The following ABCC11 variants were observed in gnomAD, a reference collection of about 807,000 sequenced individuals.
ABCC11 encodes ATP binding cassette subfamily C member 11, also known as ATP-binding cassette sub-family C member 11.
ABCC11 carries 135 observed loss-of-function variants against 149.3 expected under a neutral mutation model. That is an observed-to-expected ratio of 0.90 (90% CI 0.79 to 1.04). The LOEUF is 1.04. Ranked by LOEUF, ABCC11 falls within the 50% of genes least tolerant of loss-of-function variation. ABCC11 has a pLI of 0.00. For synonymous variants in ABCC11, 665 were observed against 671.4 expected, an observed-to-expected ratio of 0.99 and a Z score of 0.15; for missense variants, 1,680 against 1,722.1, an observed-to-expected ratio of 0.98 and a Z score of 0.43.
chr16:48,183,842 A>G (rs1433586660), intron 23 of ABCC11, among the ~76,000 whole-genome samples: 2 of 152,196 alleles, frequency 1.3e-5, no homozygotes, highest in East Asian at 3.9e-4. Context: ...GCCCTTGACT[A>G]TGGTCCTCCT....
At chr16:48,205,612 G>T (rs1467092941) in intron 12 of ABCC11, 75 bp from the exon 13 acceptor site, 21 of 1,558,300 alleles carry the variant, frequency 1.3e-5, no homozygotes, top group Non-Finnish European at 1.7e-5. Flanking sequence ...CAGGCACAGT[G>T]CCCAGGGCCC....
intron 1 of ABCC11, 107 bp from the exon 2 acceptor site, chr16:48,232,046 A>C: frequency 1.3e-6 from 2 of 1,522,852 alleles, no homozygotes; most frequent in Non-Finnish European, 1.8e-6. Flanking sequence ...CAGGGAGCAT[A>C]TTGGGGCCAT....
At chr16:48,230,341 T>C in intron 3 of ABCC11, 96 bp downstream of exon 3, 1 of 1,420,210 alleles carries the variant, frequency 7.0e-7, no homozygotes, top group South Asian at 1.6e-5. Flanking sequence ...TGTAGGGATG[T>C]AGTTATGCAA....
At chr16:48,240,448 C>G (rs1259923806) in intron 1 of ABCC11, among the ~76,000 whole-genome samples, 1 of 152,074 alleles carries the variant, frequency 6.6e-6, no homozygotes, top group Non-Finnish European at 1.5e-5. Flanking sequence ...ACTGCATGTT[C>G]TCACTTATAA....
In ABCC11 at chr16:48,211,176, AGGGC is replaced by A. The variant is rs766169873; in HGVS notation, c.1376_1379del (p.Ser459MetfsTer48). ...CTTGTAATGTCTGGACATAGAAAAC[AGGGC>A]TCTCCTGGAGGAAAAACTTCTGTAA... On this transcript the variant is annotated frameshift_variant, in exon 11 of 30. Transcript: ENST00000356608. LOFTEE classifies it high-confidence loss of function. 3.7e-6 allele frequency: 6 copies of A among 1,614,054 alleles called. No individual in the cohort carries two copies. Among genetic ancestry groups the A allele is most frequent in the Non-Finnish European group, 4.2e-6 (5 of 1,180,048 alleles).
rs1967158209 is a variant in ABCC11, at chr16:48,193,997, G to C, written c.2405-15C>G. On this transcript the variant is annotated splice_polypyrimidine_tract_variant and intron_variant, in intron 18 of 29. Transcript: ENST00000356608. ...GACCATGTAACCTGGGAGGGAGACA[G>C]TGGTGATGTACAAGTGCCACAAACA... 6.3e-7 allele frequency: 1 copy of C among 1,588,962 alleles called. No homozygotes were observed. Among genetic ancestry groups the C allele is most frequent in the Non-Finnish European group, 8.6e-7 (1 of 1,157,680 alleles).
chr16:48,215,797 C>T (rs917947387), intron 7 of ABCC11, among the ~76,000 whole-genome samples: 1 of 152,216 alleles, frequency 6.6e-6, no homozygotes, highest in Non-Finnish European at 1.5e-5. Context: ...TGTGTTATTA[C>T]ATCAGCACAT....
chr16:48,233,292 T>A (rs186460159), intron 1 of ABCC11, among the ~76,000 whole-genome samples: 18 of 152,358 alleles, frequency 1.2e-4, no homozygotes, highest in African/African-American at 4.1e-4. Context: ...GAAGTTACTC[T>A]AGATTTCTTT....
chr16:48,201,096 T>C (rs1967931093), intron 14 of ABCC11, among the ~76,000 whole-genome samples: 1 of 152,240 alleles, frequency 6.6e-6, no homozygotes, highest in Non-Finnish European at 1.5e-5. Context: ...CAACTCTCCA[T>C]GTATCCCCTG....
In ABCC11 at chr16:48,198,257, G is replaced by C; in HGVS notation, c.2101C>G (p.Gln701Glu). ...HQLQYLEFCG[Q>E]IILLENGKIC... ...TTCCCATTTTCCAACAAAATGATCT[G>C]GCCACAAAATTCTAAGTACTGGACA... is the stretch of plus-strand genomic sequence containing the variant. The change falls in exon 16 of 30, where the codon CAG becomes GAG. Residue 701 changes from glutamine to glutamate, a missense_variant. By Grantham distance (29) the Gln-to-Glu change is conservative (BLOSUM62 2). Coordinates refer to ENST00000356608, the MANE Select transcript of ABCC11 (RefSeq NM_001370497.1). 1 of 1,614,132 alleles carries C rather than the reference G, an allele frequency of 6.2e-7. No individual in the cohort carries two copies. The highest frequency in any genetic ancestry group is 8.5e-7 in the Non-Finnish European group (1 of 1,180,032).
intron 20 of ABCC11, among the ~76,000 whole-genome samples, chr16:48,189,242 C>G (rs897131847): frequency 5.9e-5 from 9 of 152,310 alleles, no homozygotes; most frequent in South Asian, 4.1e-4. Flanking sequence ...CGGGGCATGG[C>G]AGGGTTGTGG....
intron 3 of ABCC11, 109 bp downstream of exon 3, chr16:48,230,328 C>T: frequency 1.5e-6 from 2 of 1,338,350 alleles, no homozygotes; most frequent in East Asian, 2.5e-5. Flanking sequence ...AGGGATTTGG[C>T]TGTGTAGGGA....
At chr16:48,224,461 C>T (rs778854572) in intron 4 of ABCC11, 32 bp from the exon 5 acceptor site, 2 of 1,607,622 alleles carry the variant, frequency 1.2e-6, no homozygotes, top group Admixed American at 1.7e-5. Context: ...CTGGTGGAAT[C>T]TCTTTGCATG....
intron 14 of ABCC11, among the ~76,000 whole-genome samples, chr16:48,201,425 C>T (rs893783808): frequency 5.9e-5 from 9 of 151,510 alleles, no homozygotes; most frequent in South Asian, 4.2e-4. Flanking sequence ...GGACTACAGG[C>T]GGTGCCATCA....
At position 48,215,624 on chromosome 16, in the gene ABCC11, C is replaced by T. The variant is rs140241150; in HGVS notation, c.952-280G>A. ...CTAATAATTAAAATCATCTTTCCATCAGAGTGACTGCACTCAGGAAAACAC... is the reference window on the plus strand; with the variant it reads ...CTAATAATTAAAATCATCTTTCCATTAGAGTGACTGCACTCAGGAAAACAC... On this transcript the variant is annotated intron_variant, in intron 7 of 29. Transcript: ENST00000356608. Among the ~76,000 whole-genome samples, 7 of 152,330 alleles carry T rather than the reference C, an allele frequency of 4.6e-5. No individual in the cohort carries two copies. The East Asian group carries it at 1.2e-3, about 25-fold the overall frequency.
intron 26 of ABCC11, 114 bp downstream of exon 26, chr16:48,175,144 C>T: frequency 7.2e-7 from 1 of 1,386,728 alleles, no homozygotes; most frequent in Non-Finnish European, 9.7e-7. Flanking sequence ...CCCAGCAGGC[C>T]AAGGAGGCCT....
At chr16:48,175,540 C>T (rs368806170) in intron 25 of ABCC11, 123 bp from the exon 26 acceptor site, 2 of 1,191,400 alleles carry the variant, frequency 1.7e-6, no homozygotes, top group East Asian at 2.6e-5. Context: ...TCACTGTGAG[C>T]CCTGAAGGGG....
At chr16:48,229,371 C>G (rs1032193996) in intron 3 of ABCC11, among the ~76,000 whole-genome samples, 5 of 149,616 alleles carry the variant, frequency 3.3e-5, no homozygotes, top group African/African-American at 1.2e-4. Flanking sequence ...AATGGGCAAA[C>G]AAATGCAGTT....
chr16:48,228,802 T>A (rs531126787), intron 3 of ABCC11, among the ~76,000 whole-genome samples: 4 of 152,052 alleles, frequency 2.6e-5, no homozygotes, highest in Non-Finnish European at 2.9e-5. Context: ...TAAAATTGAA[T>A]ACATAAATAA....
Sources: gnomAD v4.1 joint callset for allele counts (sites outside exome capture counted in the v4.1 genomes callset) on GRCh38, gnomAD v4.1.1 for gene constraint, MANE v1.5 for transcripts, NCBI Gene and HGNC (gene_info 2026-07-23, HGNC 2026-07-21) for gene names.